PIBF1: variants seen among roughly 807,000 people sequenced by gnomAD.
The protein encoded by PIBF1 is progesterone-induced-blocking factor 1.
PIBF1 carries 90 observed loss-of-function variants against 112.5 expected under a neutral mutation model. The ratio of observed to expected loss-of-function variants is 0.80; its 90% CI spans 0.67 to 0.95. The LOEUF is 0.95. Ranked by LOEUF, PIBF1 falls within the 40% of genes least tolerant of loss-of-function variation. PIBF1 has a pLI of 0.00. For synonymous variants in PIBF1, 301 were observed against 288.6 expected (o/e 1.04, Z -0.44); for missense variants, 915 against 852.3 (o/e 1.07, Z -0.92).
At chr13:72,899,027 G>C (rs2040387225) in intron 11 of PIBF1, among the ~76,000 whole-genome samples, 1 of 151,922 alleles carries the variant, frequency 6.6e-6, no homozygotes, top group South Asian at 2.1e-4. Context: ...AAACCTAAAA[G>C]AGATGGATAA....
intron 2 of PIBF1, among the ~76,000 whole-genome samples, chr13:72,787,929 G>T (rs1462804857): frequency 2.0e-5 from 3 of 152,182 alleles, no homozygotes; most frequent in Non-Finnish European, 4.4e-5. Flanking sequence ...CAAAGTGCAG[G>T]TGTGAAGCCA....
At chr13:72,949,475 C>T (rs955799887) in intron 14 of PIBF1, among the ~76,000 whole-genome samples, 1 of 151,832 alleles carries the variant, frequency 6.6e-6, no homozygotes, top group Admixed American at 6.6e-5. Flanking sequence ...GCCACCACAC[C>T]CAGCTAATTT....
intron 2 of PIBF1, among the ~76,000 whole-genome samples, chr13:72,788,736 ATGT>A (rs1418501861): frequency 3.9e-5 from 6 of 152,236 alleles, no homozygotes; most frequent in African/African-American, 1.4e-4. Context: ...CTAACTGGAC[ATGT>A]TGTTACTAAT....
At chr13:72,827,151 T>C (rs752355591) in intron 7 of PIBF1, 33 bp downstream of exon 7, 1 of 1,069,020 alleles carries the variant, frequency 9.4e-7, no homozygotes, top group Non-Finnish European at 1.3e-6. Context: ...TTATATTATA[T>C]AGCATAGTAT....
intron 14 of PIBF1, among the ~76,000 whole-genome samples, chr13:72,944,989 A>G (rs542484134): frequency 6.6e-6 from 1 of 152,232 alleles, no homozygotes; most frequent in South Asian, 2.1e-4. Context: ...TTTAATTGCT[A>G]CTGTCACCCA....
intron 9 of PIBF1, among the ~76,000 whole-genome samples, chr13:72,843,281 A>G (rs1283118841): frequency 6.6e-6 from 1 of 152,264 alleles, no homozygotes; most frequent in Non-Finnish European, 1.5e-5. Context: ...AAAATGATGG[A>G]TGAATTTAAA....
intron 10 of PIBF1, among the ~76,000 whole-genome samples, chr13:72,867,855 A>G (rs548295474): frequency 6.6e-6 from 1 of 152,254 alleles, no homozygotes; most frequent in Non-Finnish European, 1.5e-5. Context: ...TCGCATATCT[A>G]TCATTAAAAT....
At chr13:72,902,478 A>G (rs537297271) in intron 11 of PIBF1, among the ~76,000 whole-genome samples, 11 of 152,306 alleles carry the variant, frequency 7.2e-5, no homozygotes, top group South Asian at 6.2e-4. Flanking sequence ...TCAGTAGGCA[A>G]TATACCAAGT....
At chr13:72,816,314 G>A (rs2036271117) in intron 5 of PIBF1, among the ~76,000 whole-genome samples, 2 of 152,168 alleles carry the variant, frequency 1.3e-5, no homozygotes, top group Admixed American at 6.5e-5. Context: ...TTCCAATCTA[G>A]GGTCCACCAC....
At chr13:72,878,820 A>G (rs1311761977) in intron 10 of PIBF1, among the ~76,000 whole-genome samples, 1 of 152,134 alleles carries the variant, frequency 6.6e-6, no homozygotes, top group Non-Finnish European at 1.5e-5. Context: ...GTTAAGGATT[A>G]TTATATCTAC....
intron 10 of PIBF1, among the ~76,000 whole-genome samples, chr13:72,880,394 A>AT (rs2039576775): frequency 6.6e-6 from 1 of 152,198 alleles, no homozygotes; most frequent in Non-Finnish European, 1.5e-5. Context: ...GTCACCTGTT[A>AT]TTTTTCTTAT....
At chr13:72,897,535 T>C (rs185567703) in intron 11 of PIBF1, among the ~76,000 whole-genome samples, 1 of 152,272 alleles carries the variant, frequency 6.6e-6, no homozygotes, top group Admixed American at 6.5e-5. Flanking sequence ...ACAGAATGGA[T>C]GAGAACTTGC....
intron 2 of PIBF1, among the ~76,000 whole-genome samples, chr13:72,785,297 GTTAT>G (rs2034540281): frequency 6.6e-6 from 1 of 152,090 alleles, no homozygotes; most frequent in Non-Finnish European, 1.5e-5. Flanking sequence ...GAATTTGTTT[GTTAT>G]TTGTCTGTGA....
intron 11 of PIBF1, among the ~76,000 whole-genome samples, chr13:72,896,020 A>G (rs1475138638): frequency 6.6e-6 from 1 of 152,076 alleles, no homozygotes; most frequent in African/African-American, 2.4e-5. Context: ...CATTTCCCTG[A>G]CAACCTGCAT....
intron 15 of PIBF1, among the ~76,000 whole-genome samples, chr13:72,971,011 G>A (rs975277851): frequency 8.6e-5 from 13 of 151,986 alleles, no homozygotes; most frequent in Non-Finnish European, 1.3e-4. Context: ...ATGTATATAC[G>A]GTTGTTTTGC....
chr13:72,814,393 G>A (rs567661739), intron 5 of PIBF1, among the ~76,000 whole-genome samples: 3 of 143,402 alleles, frequency 2.1e-5, no homozygotes, highest in South Asian at 2.2e-4. Context: ...CCGAGATTGC[G>A]CCATTGCACT....
intron 10 of PIBF1, among the ~76,000 whole-genome samples, chr13:72,868,850 A>AG (rs2039037128): frequency 7.2e-6 from 1 of 139,264 alleles, no homozygotes; most frequent in Non-Finnish European, 1.6e-5. Context: ...AAAAAAAAAA[A>AG]AGATGAAACT....
intron 14 of PIBF1, among the ~76,000 whole-genome samples, chr13:72,951,375 T>G (rs1172020447): frequency 6.6e-6 from 1 of 152,214 alleles, no homozygotes; most frequent in African/African-American, 2.4e-5. Flanking sequence ...TTGGAAAAGT[T>G]TTTTAACTTC....
At chr13:72,897,462 C>T (rs550722198) in intron 11 of PIBF1, among the ~76,000 whole-genome samples, 1 of 152,320 alleles carries the variant, frequency 6.6e-6, no homozygotes, top group East Asian at 1.9e-4. Context: ...TGGTACCTCA[C>T]ATTTCAGTAC....
Sources: gnomAD v4.1 joint callset for allele counts (sites outside exome capture counted in the v4.1 genomes callset) on GRCh38, gnomAD v4.1.1 for gene constraint, MANE v1.5 for transcripts, NCBI Gene and HGNC (gene_info 2026-07-23, HGNC 2026-07-21) for gene names.